Variants in PKHD1 observed in about 807,000 individuals in gnomAD.
The protein encoded by PKHD1 is PKHD1 ciliary IPT domain containing fibrocystin/polyductin, also known as fibrocystin.
Under a neutral mutation model 412.0 loss-of-function variants are expected in PKHD1, and 291 were observed. The ratio of observed to expected loss-of-function variants is 0.71; its 90% CI spans 0.64 to 0.78. The LOEUF (loss-of-function observed/expected upper bound fraction) is 0.78, where lower values mean the gene tolerates loss of function less well. Ranked by LOEUF, PKHD1 falls within the 30% of genes least tolerant of loss-of-function variation. PKHD1 has a pLI of 0.00. For missense variants in PKHD1, 4,825 were observed against 4,950.7 expected, an observed-to-expected ratio of 0.97 and a Z score of 0.76; for synonymous variants, 1,777 against 1,821.5, an observed-to-expected ratio of 0.98 and a Z score of 0.62.
chr6:51,626,101 CAT>C (rs1767199014), intron 66 of PKHD1, among the ~76,000 whole-genome samples: 3 of 152,070 alleles, frequency 2.0e-5, no homozygotes, highest in Admixed American at 2.0e-4. Flanking sequence ...CACTCATGCT[CAT>C]GTGTGCATGC....
chr6:51,920,844 G>A (rs1408249016), intron 37 of PKHD1, among the ~76,000 whole-genome samples: 2 of 152,098 alleles, frequency 1.3e-5, no homozygotes, highest in African/African-American at 2.4e-5. Flanking sequence ...TCCTGGTTTA[G>A]TCTTGGGAGG....
At chr6:51,951,912 G>A (rs537261909) in intron 36 of PKHD1, among the ~76,000 whole-genome samples, 7 of 152,250 alleles carry the variant, frequency 4.6e-5, no homozygotes, top group African/African-American at 7.2e-5. Context: ...CCAATGAAAG[G>A]TTTTAAGTAA....
At chr6:51,958,460 C>A (rs13196569) in intron 36 of PKHD1, among the ~76,000 whole-genome samples, 1 of 152,048 alleles carries the variant, frequency 6.6e-6, no homozygotes, top group South Asian at 2.1e-4. Context: ...TGCCTTTCTC[C>A]TACACTTTTC....
At chr6:51,870,976 A>G (rs951002351) in intron 46 of PKHD1, among the ~76,000 whole-genome samples, 8 of 152,342 alleles carry the variant, frequency 5.3e-5, no homozygotes, top group African/African-American at 1.9e-4. Context: ...TTAAGATCAC[A>G]CTAAAATATA....
chr6:51,733,494 A>C (rs1340745253), intron 60 of PKHD1, among the ~76,000 whole-genome samples: 1 of 149,440 alleles, frequency 6.7e-6, no homozygotes, highest in African/African-American at 2.5e-5. Flanking sequence ...CTGAGATCAC[A>C]CCACTGCACT....
In PKHD1 at chr6:52,065,168, T is replaced by TAG. The variant is rs70977326; in HGVS notation, c.881-120_881-119dup. On this transcript the variant is annotated intron_variant, in intron 12 of 66. Coordinates refer to ENST00000371117, the MANE Select transcript of PKHD1 (RefSeq NM_138694.4). ...ATATATATATATATATATATATATA[T>TAG]AGAGAGAGAGAGAGAGAGAGAGAGA... 156 of 31,686 alleles carry TAG rather than the reference T, an allele frequency of 4.9e-3. 5 individuals are homozygous for TAG. The highest frequency in any genetic ancestry group is 0.021 in the Middle Eastern group (1 of 48). 2.0% of individuals were successfully genotyped at this position (31,686 alleles called of 1,614,324 possible).
intron 60 of PKHD1, among the ~76,000 whole-genome samples, chr6:51,683,040 GAAGA>G (rs1221810335): frequency 6.6e-6 from 1 of 152,040 alleles, no homozygotes; most frequent in Admixed American, 6.6e-5. Context: ...ATAGGATCCA[GAAGA>G]AAGAGTGAAT....
intron 48 of PKHD1, among the ~76,000 whole-genome samples, chr6:51,860,906 G>A (rs1359900528): frequency 6.6e-6 from 1 of 152,026 alleles, no homozygotes; most frequent in Non-Finnish European, 1.5e-5. Flanking sequence ...CTGCCTCTCA[G>A]GTTCAAGCAA....
At position 51,959,882 on chromosome 6, in the gene PKHD1, G is replaced by A. The variant is rs1266923; in HGVS notation, c.5896C>T (p.Leu1966=). The part of the protein sequence containing the change: ...LDTNTSILNL[L]HIKGGKLIFM... Reference sequence around the variant, plus strand: ...AAACTTCACACACCTTTAATGTGCAGTAAGTTGAGGATGCTTGTGTTAGTG... The same window carrying A: ...AAACTTCACACACCTTTAATGTGCAATAAGTTGAGGATGCTTGTGTTAGTG... Residue 1966 remains leucine, a synonymous_variant, in exon 36 of 67, where the codon CTG becomes TTG. Transcript: ENST00000371117. The A allele has an allele frequency of 0.017, 27,559 of 1,612,946 alleles. 1,200 individuals carry two copies. Among genetic ancestry groups the A allele is most frequent in the African/African-American group, 0.13 (9,778 of 74,860 alleles).
intron 60 of PKHD1, among the ~76,000 whole-genome samples, chr6:51,694,838 C>T (rs1356782187): frequency 6.6e-6 from 1 of 152,042 alleles, no homozygotes; most frequent in Non-Finnish European, 1.5e-5. Context: ...TCACTTCTGA[C>T]CCACAGAAGA....
chr6:51,704,279 A>C (rs1216126157), intron 60 of PKHD1, among the ~76,000 whole-genome samples: 2 of 152,062 alleles, frequency 1.3e-5, no homozygotes, highest in Non-Finnish European at 2.9e-5. Flanking sequence ...CATACTGCAA[A>C]GGAGAGTGGT....
chr6:51,854,158 CTTGT>C (rs1255301395), intron 49 of PKHD1, among the ~76,000 whole-genome samples: 13 of 151,966 alleles, frequency 8.6e-5, no homozygotes, highest in East Asian at 3.9e-4. Flanking sequence ...TCGCTTTCTG[CTTGT>C]TTGTTTTTCT....
At chr6:51,688,983 C>G (rs1187578992) in intron 60 of PKHD1, among the ~76,000 whole-genome samples, 1 of 152,112 alleles carries the variant, frequency 6.6e-6, no homozygotes, top group Non-Finnish European at 1.5e-5. Flanking sequence ...GGACTCCGCA[C>G]TAACACATTC....
At chr6:51,735,771 T>C (rs1783763169) in intron 60 of PKHD1, among the ~76,000 whole-genome samples, 1 of 151,760 alleles carries the variant, frequency 6.6e-6, no homozygotes, top group Admixed American at 6.6e-5. Context: ...ACGAAAAATT[T>C]TTTTTAAAAA....
chr6:51,837,490 T>C (rs939910295), intron 50 of PKHD1, among the ~76,000 whole-genome samples: 1 of 152,048 alleles, frequency 6.6e-6, no homozygotes, highest in Non-Finnish European at 1.5e-5. Flanking sequence ...GTGGATCACT[T>C]GAGGTCAGGA....
intron 50 of PKHD1, among the ~76,000 whole-genome samples, chr6:51,847,440 T>C (rs1192232268): frequency 6.6e-6 from 1 of 152,156 alleles, no homozygotes; most frequent in African/African-American, 2.4e-5. Flanking sequence ...TACCAATGTC[T>C]AGTAAGCATT....
chr6:51,779,573 C>T lies in PKHD1; in HGVS notation c.8441-3652G>A, dbSNP rs550237127. 1.3e-3 allele frequency among the ~76,000 whole-genome samples: 195 copies of T among 152,166 alleles called. 3 individuals carry two copies. Among genetic ancestry groups the T allele is most frequent in the African/African-American group, 4.1e-3 (171 of 41,518 alleles). ...GATATTTTATTCCAGAAATGTTTAA[C>T]TTGGTAATTTTTACCAACCCTCCTG... On this transcript the variant is annotated intron_variant, in intron 53 of 66. Coordinates refer to ENST00000371117, the MANE Select transcript of PKHD1 (RefSeq NM_138694.4).
intron 37 of PKHD1, among the ~76,000 whole-genome samples, chr6:51,931,588 A>G (rs1786597531): frequency 6.6e-6 from 1 of 152,178 alleles, no homozygotes; most frequent in South Asian, 2.1e-4. Context: ...CAGATACATC[A>G]GGAAAGGAAT....
Position 51,720,500 on chromosome 6 carries a change from T to G in PKHD1, c.10156+23885A>C, listed in dbSNP as rs377035138. 1.3e-3 allele frequency among the ~76,000 whole-genome samples: 195 copies of G among 152,178 alleles called. 11 individuals carry two copies. In the South Asian group the frequency reaches 0.039, roughly 30 times the overall value. Reference sequence around the variant, plus strand: ...CACAGACTGCTCACTCAGCTGTGAGTGGAAGTGGAAAGCGTTTCCCTCCAT... The same window carrying G: ...CACAGACTGCTCACTCAGCTGTGAGGGGAAGTGGAAAGCGTTTCCCTCCAT... On this transcript the variant is annotated intron_variant, in intron 60 of 66. Transcript: ENST00000371117.
Sources: allele counts gnomAD v4.1 joint callset (sites outside exome capture counted in the v4.1 genomes callset), GRCh38; gene constraint gnomAD v4.1.1; transcripts MANE v1.5; gene names NCBI Gene and HGNC (gene_info 2026-07-23, HGNC 2026-07-21).